Variants in TSPEAR observed in about 807,000 individuals in gnomAD.
TSPEAR encodes the protein thrombospondin type laminin G domain and EAR repeats, also known as thrombospondin-type laminin G domain and EAR repeat-containing protein.
Under a neutral mutation model 71.6 loss-of-function variants are expected in TSPEAR, and 69 were observed. The observed-to-expected ratio is 0.96, with a 90% confidence interval of 0.79 to 1.18. The LOEUF (loss-of-function observed/expected upper bound fraction) is 1.18. Among genes scored for constraint, TSPEAR ranks in the 50% most tolerant of loss-of-function variants. TSPEAR has a pLI of 0.00. For missense variants in TSPEAR, 971 were observed against 894.9 expected, an observed-to-expected ratio of 1.09 and a Z score of -1.09; for synonymous variants, 402 against 387.2, an observed-to-expected ratio of 1.04 and a Z score of -0.45.
intron 1 of TSPEAR, among the ~76,000 whole-genome samples, chr21:44,679,567 C>G (rs587655476): frequency 3.4e-4 from 52 of 152,146 alleles, no homozygotes; most frequent in Admixed American, 2.0e-3. Context: ...CATATGGAAC[C>G]AAAAAGGACC....
At chr21:44,705,118 CA>C (rs780213483) in intron 1 of TSPEAR, among the ~76,000 whole-genome samples, 29 of 152,302 alleles carry the variant, frequency 1.9e-4, no homozygotes, top group South Asian at 4.1e-4. Context: ...ATTAGTTCCC[CA>C]AATTAATACT....
intron 1 of TSPEAR, among the ~76,000 whole-genome samples, chr21:44,639,014 A>C (rs112800148): frequency 6.6e-6 from 1 of 151,822 alleles, no homozygotes; most frequent in Admixed American, 6.6e-5. Flanking sequence ...CCCAGTATTC[A>C]TGGGGTTCTG....
chr21:44,614,765 A>G (rs189641542), intron 1 of TSPEAR, among the ~76,000 whole-genome samples: 205 of 152,378 alleles, frequency 1.3e-3, no homozygotes, highest in Middle Eastern at 6.8e-3. Flanking sequence ...CCACAAGACG[A>G]CAGCAGAAAA....
In TSPEAR at chr21:44,711,326, G is replaced by A. The variant is rs1393798898; in HGVS notation, c.82+107C>T. 1.3e-5 allele frequency: 14 copies of A among 1,039,076 alleles called. No individual in the cohort carries two copies. Among genetic ancestry groups the A allele is most frequent in the East Asian group, 8.0e-5 (3 of 37,688 alleles). 64.4% of individuals were successfully genotyped at this position (1,039,076 alleles called of 1,614,324 possible). On this transcript the variant is annotated intron_variant, in intron 1 of 11. Transcript: ENST00000323084. The surrounding 1 kb of genome is among the most constrained non-coding windows in gnomAD (Gnocchi z 4.5). ...CTGCCAGTCCTGCCAAAGCGTCCTC[G>A]GGCACCGCGGCTTGAATCAGTGTTA... is the stretch of plus-strand genomic sequence containing the variant.
rs587650668 is a variant in TSPEAR at position 44,532,504 on chromosome 21, T to A, written c.542+1181A>T. Reference sequence around the variant, plus strand: ...TCACCGTCCTGAGGGCCCTAAAGAGTTTGGGGTATGGTGGGAGAGAGGCTC... The same window carrying A: ...TCACCGTCCTGAGGGCCCTAAAGAGATTGGGGTATGGTGGGAGAGAGGCTC... On this transcript the variant is annotated intron_variant, in intron 3 of 11. Coordinates refer to ENST00000323084, the MANE Select transcript of TSPEAR (RefSeq NM_144991.3). Among the ~76,000 whole-genome samples, 13 of 152,000 alleles carry A rather than the reference T, an allele frequency of 8.6e-5. No individual in the cohort carries two copies. The South Asian group carries it at 2.7e-3, about 32-fold the overall frequency.
intron 2 of TSPEAR, among the ~76,000 whole-genome samples, chr21:44,535,012 G>A (rs2053063911): frequency 6.6e-6 from 1 of 152,282 alleles, no homozygotes; most frequent in East Asian, 1.9e-4. Flanking sequence ...ACTTATATGA[G>A]GTCACTAGAC....
At chr21:44,551,222 G>A (rs1298433234) in intron 2 of TSPEAR, 25 of 1,590,726 alleles carry the variant, frequency 1.6e-5, no homozygotes, top group Non-Finnish European at 2.1e-5. Flanking sequence ...ACTGCTGGCA[G>A]CACGAGGGCG....
chr21:44,555,428 C>T (rs1272708307), intron 2 of TSPEAR, among the ~76,000 whole-genome samples: 1 of 152,194 alleles, frequency 6.6e-6, no homozygotes, highest in Non-Finnish European at 1.5e-5. Flanking sequence ...ACTAGCAGGG[C>T]CCCCACATCC....
chr21:44,700,360 T>A, intron 1 of TSPEAR, among the ~76,000 whole-genome samples: 1 of 151,900 alleles, frequency 6.6e-6, no homozygotes, highest in East Asian at 1.9e-4. Flanking sequence ...CTGGGGCCCC[T>A]CCTCTGCCGA....
At chr21:44,699,928 G>C (rs1445574400) in intron 1 of TSPEAR, among the ~76,000 whole-genome samples, 7 of 152,132 alleles carry the variant, frequency 4.6e-5, no homozygotes, top group Admixed American at 3.3e-4. Flanking sequence ...CCCTGCCCTG[G>C]CCCTGCCATC....
chr21:44,697,317 C>T lies in TSPEAR; in HGVS notation c.82+14116G>A, dbSNP rs782603842. On this transcript the variant is annotated intron_variant, in intron 1 of 11. Coordinates refer to ENST00000323084, the MANE Select transcript of TSPEAR (RefSeq NM_144991.3). ...GACTGCCCAGAGAGCTGCTGTGAGC[C>T]CCCCTGCTGCGCCCCGGCCCCCTGC... The T allele has an allele frequency of 2.5e-6, 4 of 1,613,350 alleles. No homozygotes were observed. The East Asian group carries it at 8.9e-5, about 36-fold the overall frequency.
chr21:44,541,688 G>A (rs2053225865), intron 2 of TSPEAR, among the ~76,000 whole-genome samples: 1 of 152,226 alleles, frequency 6.6e-6, no homozygotes, highest in African/African-American at 2.4e-5. Flanking sequence ...CAAGGTGGAG[G>A]GATTCTAGCA....
At position 44,583,740 on chromosome 21, in the gene TSPEAR, G is replaced by A. The variant is rs114787204; in HGVS notation, c.83-15735C>T. Among the ~76,000 whole-genome samples the A allele has an allele frequency of 8.2e-3, 1,251 of 152,206 alleles. 15 individuals carry two copies. Among genetic ancestry groups the A allele is most frequent in the African/African-American group, 0.028 (1,183 of 41,512 alleles). Reference sequence around the variant, plus strand: ...CCTTTTTCCCCAGCTTTATTGAGATGTAATTGACAAATAAGAATTATATAA... The same window carrying A: ...CCTTTTTCCCCAGCTTTATTGAGATATAATTGACAAATAAGAATTATATAA... On this transcript the variant is annotated intron_variant, in intron 1 of 11. Transcript: ENST00000323084.
intron 1 of TSPEAR, among the ~76,000 whole-genome samples, chr21:44,607,835 A>G (rs1261718866): frequency 1.3e-5 from 2 of 152,182 alleles, no homozygotes; most frequent in African/African-American, 4.8e-5. Flanking sequence ...CCCCCTTCAC[A>G]TGCCCCACAC....
intron 1 of TSPEAR, among the ~76,000 whole-genome samples, chr21:44,689,813 G>C (rs1281745078): frequency 1.4e-5 from 2 of 147,684 alleles, no homozygotes; most frequent in Admixed American, 6.8e-5. Context: ...AAGCTGAGGA[G>C]CAAAGAGATC....
chr21:44,557,911 TC>T, intron 2 of TSPEAR: 1 of 1,011,708 alleles, frequency 9.9e-7, no homozygotes, highest in South Asian at 1.7e-5. Context: ...CTGGAGGGAA[TC>T]GGCATGAAAG....
chr21:44,697,813 A>T (rs782691564), intron 1 of TSPEAR: 3 of 1,608,722 alleles, frequency 1.9e-6, no homozygotes, highest in Non-Finnish European at 1.7e-6. Context: ...CTGTGTGCAG[A>T]CCCGCCCGCC....
In TSPEAR at chr21:44,710,075, C is replaced by T. The variant is rs1356064348; in HGVS notation, c.82+1358G>A. 1.3e-5 allele frequency among the ~76,000 whole-genome samples: 2 copies of T among 152,178 alleles called. No homozygotes were observed. Among genetic ancestry groups the T allele is most frequent in the African/African-American group, 2.4e-5 (1 of 41,444 alleles). On this transcript the variant is annotated intron_variant, in intron 1 of 11. Transcript: ENST00000323084. This position sits in a 1 kb window ranked among gnomAD's most constrained non-coding sequence, Gnocchi z 4.6. Reference sequence around the variant, plus strand: ...AAAATACATGTCTGTGACTCATGCCCCCCCACCCCCACTCCAGGGTGTGCT... The same window carrying T: ...AAAATACATGTCTGTGACTCATGCCTCCCCACCCCCACTCCAGGGTGTGCT...
chr21:44,616,720 C>T (rs233263), intron 1 of TSPEAR, among the ~76,000 whole-genome samples: 136,053 of 152,284 alleles, frequency 0.89, 61,148 homozygotes, highest in Middle Eastern at 0.95. Flanking sequence ...AATGCGGCTG[C>T]GCACCGGACA....
Sources: gnomAD v4.1 joint callset for allele counts (sites outside exome capture counted in the v4.1 genomes callset) on GRCh38, gnomAD v4.1.1 for gene constraint, Gnocchi (gnomAD v3.1) non-coding constraint, MANE v1.5 for transcripts, NCBI Gene and HGNC (gene_info 2026-07-23, HGNC 2026-07-21) for gene names.